Variants in OTUD7A observed in about 807,000 individuals in gnomAD.
OTUD7A encodes OTU domain-containing protein 7A.
Under a neutral mutation model 65.7 loss-of-function variants are expected in OTUD7A, and 12 were observed. The observed-to-expected ratio is 0.18, with a 90% CI of 0.12 to 0.30. OTUD7A has a LOEUF of 0.30. Ranked by LOEUF, OTUD7A falls within the 10% of genes least tolerant of loss-of-function variation. The pLI, the probability that OTUD7A is intolerant of heterozygous loss-of-function variation, is 1.00. For missense variants in OTUD7A, 1,148 were observed against 1,304.8 expected, an observed-to-expected ratio of 0.88 and a Z score of 1.85; for synonymous variants, 641 against 586.3, an observed-to-expected ratio of 1.09 and a Z score of -1.35.
intron 1 of OTUD7A, among the ~76,000 whole-genome samples, chr15:31,820,012 G>A (rs1210974799): frequency 6.6e-6 from 1 of 152,128 alleles, no homozygotes; most frequent in East Asian, 1.9e-4. Context: ...CTCACATGCT[G>A]AGTGTCAGAT....
chr15:31,709,528 G>T lies in OTUD7A; in HGVS notation c.-99-52451C>A, dbSNP rs149167075. On this transcript the variant is annotated intron_variant, in intron 1 of 12. Transcript: ENST00000307050. ...AGAGTTTTACATTTGCACAACAGAT[G>T]ATGTGGCCAGGGAACCAGGAGGAGA... 4.3e-3 allele frequency among the ~76,000 whole-genome samples: 659 copies of T among 152,378 alleles called. 16 individuals are homozygous for T. The highest frequency in any genetic ancestry group is 0.028 in the Admixed American group (428 of 15,306).
At chr15:31,862,104 C>T (rs1489171701) in intron 1 of OTUD7A, among the ~76,000 whole-genome samples, 2 of 152,224 alleles carry the variant, frequency 1.3e-5, no homozygotes, top group East Asian at 1.9e-4. Context: ...CCTCAGGTCA[C>T]AGTCACTGCC....
intron 3 of OTUD7A, among the ~76,000 whole-genome samples, chr15:31,610,611 A>ATTTT (rs1309588573): frequency 8.2e-5 from 3 of 36,572 alleles, no homozygotes; most frequent in African/African-American, 3.6e-4. Context: ...ATATATATAT[A>ATTTT]TATATATTTT....
chr15:31,716,089 G>T (rs1893574031), intron 1 of OTUD7A, among the ~76,000 whole-genome samples: 1 of 105,160 alleles, frequency 9.5e-6, no homozygotes, highest in Non-Finnish European at 2.0e-5. Context: ...ACGATTTTTT[G>T]GCAGAAACCC....
At chr15:31,509,435 T>C (rs1167434449) in intron 8 of OTUD7A, among the ~76,000 whole-genome samples, 2 of 152,090 alleles carry the variant, frequency 1.3e-5, no homozygotes, top group Admixed American at 6.6e-5. Context: ...CCTGCCTCCA[T>C]GCCCGGCTAT....
intron 1 of OTUD7A, among the ~76,000 whole-genome samples, chr15:31,741,352 T>C (rs1254431013): frequency 2.0e-5 from 3 of 152,222 alleles, no homozygotes; most frequent in South Asian, 2.1e-4. Context: ...TATTACACTT[T>C]AAGTTCTAGC....
chr15:31,517,340 A>C (rs1407751703), intron 8 of OTUD7A, among the ~76,000 whole-genome samples: 1 of 152,202 alleles, frequency 6.6e-6, no homozygotes, highest in African/African-American at 2.4e-5. Flanking sequence ...GCACTCTGTG[A>C]CCAGAGCCCA....
chr15:31,611,757 C>G (rs1017952485), intron 3 of OTUD7A, among the ~76,000 whole-genome samples: 1 of 152,122 alleles, frequency 6.6e-6, no homozygotes, highest in African/African-American at 2.4e-5. Context: ...TGACACTATT[C>G]CACAAGATAG....
intron 1 of OTUD7A, among the ~76,000 whole-genome samples, chr15:31,713,450 C>G (rs1893500586): frequency 6.6e-6 from 1 of 152,120 alleles, no homozygotes; most frequent in Non-Finnish European, 1.5e-5. Flanking sequence ...GAAACCTTGT[C>G]TCATCTAAAA....
At chr15:31,641,275 A>G (rs1334872386) in intron 3 of OTUD7A, among the ~76,000 whole-genome samples, 1 of 152,166 alleles carries the variant, frequency 6.6e-6, no homozygotes, top group Non-Finnish European at 1.5e-5. Flanking sequence ...AAGTTTCCTG[A>G]GGCCTCCCCA....
chr15:31,670,343 G>A (rs147363475), intron 1 of OTUD7A, among the ~76,000 whole-genome samples: 3,261 of 152,246 alleles, frequency 0.021, 117 homozygotes, highest in African/African-American at 0.076. Context: ...CTAGGTCTTT[G>A]AGGAATCGCC....
At chr15:31,600,884 G>C (rs1387092902) in intron 3 of OTUD7A, among the ~76,000 whole-genome samples, 1 of 152,204 alleles carries the variant, frequency 6.6e-6, no homozygotes, top group African/African-American at 2.4e-5. Context: ...TAGTGGTAAA[G>C]TGATCAAGGC....
chr15:31,771,789 G>C (rs990103841), intron 1 of OTUD7A, among the ~76,000 whole-genome samples: 2 of 152,062 alleles, frequency 1.3e-5, no homozygotes, highest in African/African-American at 4.8e-5. Context: ...AACCTCTTCA[G>C]CCTCTCCCAT....
intron 1 of OTUD7A, among the ~76,000 whole-genome samples, chr15:31,698,600 G>C (rs376144903): frequency 6.6e-6 from 1 of 151,478 alleles, no homozygotes; most frequent in Non-Finnish European, 1.5e-5. Context: ...AAAGGCTACC[G>C]AGGCCTGGGC....
chr15:31,795,411 A>ATTGTC (rs1325621549), intron 1 of OTUD7A, among the ~76,000 whole-genome samples: 2 of 152,188 alleles, frequency 1.3e-5, no homozygotes, highest in Non-Finnish European at 2.9e-5. Flanking sequence ...CATTGTGAAT[A>ATTGTC]TTGGAGTGCT....
chr15:31,667,547 C>G (rs1403550332), intron 1 of OTUD7A, among the ~76,000 whole-genome samples: 1 of 152,162 alleles, frequency 6.6e-6, no homozygotes, highest in Non-Finnish European at 1.5e-5. Context: ...CTCCTGAAGG[C>G]AGCAGATAGT....
At position 31,555,207 on chromosome 15, in the gene OTUD7A, A is replaced by T. The variant is rs189826448; in HGVS notation, c.550+3762T>A. On this transcript the variant is annotated intron_variant, in intron 5 of 12. Coordinates refer to ENST00000307050, the MANE Select transcript of OTUD7A (RefSeq NM_001382637.1). ...CCACTGTTTGCCAGTTTTCAGAACC[A>T]CCTGAGCCCTGGGTTCATGTTCTGT... Among the ~76,000 whole-genome samples the T allele has an allele frequency of 1.3e-3, 201 of 152,156 alleles. 1 individual carries two copies. The highest frequency in any genetic ancestry group is 4.6e-3 in the African/African-American group (191 of 41,504).
chr15:31,672,037 T>C (rs1892497258), intron 1 of OTUD7A, among the ~76,000 whole-genome samples: 1 of 152,248 alleles, frequency 6.6e-6, no homozygotes, highest in South Asian at 2.1e-4. Context: ...TTCTGTAAAA[T>C]TCTTAAATTA....
intron 1 of OTUD7A, among the ~76,000 whole-genome samples, chr15:31,812,237 G>A (rs1377046224): frequency 7.4e-6 from 1 of 134,820 alleles, no homozygotes; most frequent in Admixed American, 7.3e-5. Context: ...AGCTGACCCT[G>A]TTCAGGGAGC....
Sources: gnomAD v4.1 joint callset for allele counts (sites outside exome capture counted in the v4.1 genomes callset) on GRCh38, gnomAD v4.1.1 for gene constraint, MANE v1.5 for transcripts, NCBI Gene and HGNC (gene_info 2026-07-23, HGNC 2026-07-21) for gene names.